SUGCT: variants seen among roughly 807,000 people sequenced by gnomAD.
SUGCT encodes succinyl-CoA:glutarate CoA-transferase.
A neutral mutation model predicts 55.0 loss-of-function variants in SUGCT; 41 were observed. The observed-to-expected ratio is 0.74, with a 90% CI of 0.58 to 0.97. SUGCT has a LOEUF of 0.97. Among genes scored for constraint, SUGCT ranks in the 50% least tolerant of loss-of-function variants. The probability of loss-of-function intolerance (pLI) is 0.00; values close to 1 mark genes in which losing one functional copy is unlikely to be tolerated. For missense variants in SUGCT, 568 were observed against 547.8 expected (o/e 1.04, Z -0.37); for synonymous variants, 187 against 200.4 (o/e 0.93, Z 0.56).
chr7:40,368,153 A>G (rs1784107290), intron 9 of SUGCT, among the ~76,000 whole-genome samples: 1 of 152,082 alleles, frequency 6.6e-6, no homozygotes, highest in Non-Finnish European at 1.5e-5. Flanking sequence ...CGTAAGTCAG[A>G]TCTCACATTA....
At chr7:40,645,917 GTTCC>G (rs1409587945) in intron 12 of SUGCT, among the ~76,000 whole-genome samples, 1 of 152,148 alleles carries the variant, frequency 6.6e-6, no homozygotes, top group Non-Finnish European at 1.5e-5. Context: ...CCATGTCTCA[GTTCC>G]AGACATGGAT....
intron 9 of SUGCT, among the ~76,000 whole-genome samples, chr7:40,336,471 T>C (rs1399274544): frequency 1.3e-5 from 2 of 152,192 alleles, no homozygotes; most frequent in Non-Finnish European, 2.9e-5. Context: ...CCTGGTTTAG[T>C]CTTGGGAGGG....
At chr7:40,816,380 AATCCTTTCCC>A (rs1791670721) in intron 13 of SUGCT, among the ~76,000 whole-genome samples, 3 of 152,134 alleles carry the variant, frequency 2.0e-5, no homozygotes, top group African/African-American at 7.2e-5. Flanking sequence ...CAACATCTTC[AATCCTTTCCC>A]CAAGTTAGCA....
chr7:40,467,987 TA>T (rs1319490900), intron 11 of SUGCT, among the ~76,000 whole-genome samples: 15 of 150,170 alleles, frequency 1.0e-4, no homozygotes, highest in Admixed American at 6.6e-4. Context: ...TTTTTTTAAC[TA>T]AAAGAGTACC....
intron 9 of SUGCT, among the ~76,000 whole-genome samples, chr7:40,386,218 C>T (rs969725689): frequency 6.6e-6 from 1 of 152,214 alleles, no homozygotes; most frequent in African/African-American, 2.4e-5. Context: ...TTCAGAAAGC[C>T]CCTGACACTC....
chr7:41,021,563 A>G, the SUGCT span, among the ~76,000 whole-genome samples: 1 of 152,208 alleles, frequency 6.6e-6, no homozygotes, highest in South Asian at 2.1e-4. Flanking sequence ...AACATGGGAA[A>G]TAACAAGTAA....
intron 5 of SUGCT, among the ~76,000 whole-genome samples, chr7:40,191,168 CA>C (rs1562565268): frequency 6.6e-6 from 1 of 152,148 alleles, no homozygotes; most frequent in Non-Finnish European, 1.5e-5. Context: ...AGGTATGTGC[CA>C]CCATGCCCGG....
At chr7:40,276,386 G>C (rs192472220) in intron 8 of SUGCT, among the ~76,000 whole-genome samples, 52 of 152,292 alleles carry the variant, frequency 3.4e-4, no homozygotes, top group African/African-American at 1.2e-3. Context: ...TTTCATGGGT[G>C]TGTAATCTGT....
At position 40,427,801 on chromosome 7, in the gene SUGCT, G is replaced by A. The variant is rs143287961; in HGVS notation, c.817-21486G>A. On this transcript the variant is annotated intron_variant, in intron 9 of 13. Coordinates refer to ENST00000335693, the MANE Select transcript of SUGCT (RefSeq NM_001193313.2). The stretch of plus-strand genomic sequence containing the variant: ...GAAGGGAGAGTCAAAGAAGGAAGAT[G>A]GGGAGTGATATGGTTTGGATATTTT... Among the ~76,000 whole-genome samples, 174 of 152,218 alleles carry A rather than the reference G, an allele frequency of 1.1e-3. 1 individual carries two copies. The highest frequency in any genetic ancestry group is 4.1e-3 in the African/African-American group (170 of 41,534).
At chr7:40,396,975 G>A (rs1392346832) in intron 9 of SUGCT, among the ~76,000 whole-genome samples, 1 of 152,034 alleles carries the variant, frequency 6.6e-6, no homozygotes, top group Non-Finnish European at 1.5e-5. Context: ...TGATTTTATA[G>A]AAAATGTAAA....
intron 9 of SUGCT, among the ~76,000 whole-genome samples, chr7:40,353,464 A>G (rs1266120213): frequency 1.3e-5 from 2 of 152,186 alleles, no homozygotes; most frequent in African/African-American, 4.8e-5. Context: ...AAAATATGCA[A>G]ACAAACAAAA....
At chr7:40,184,153 C>G (rs1331056336) in intron 3 of SUGCT, among the ~76,000 whole-genome samples, 1 of 152,154 alleles carries the variant, frequency 6.6e-6, no homozygotes, top group Non-Finnish European at 1.5e-5. Context: ...CCAGCCTGGG[C>G]AACAAGAGCC....
rs367965452 is a variant in SUGCT, at chr7:40,311,297, T to C, written c.721-5463T>C. Among the ~76,000 whole-genome samples the C allele has an allele frequency of 4.1e-4, 62 of 152,348 alleles. 2 individuals are homozygous for C. The South Asian group carries it at 0.012, about 31-fold the overall frequency. Reference sequence around the variant, plus strand: ...GAGCTATCTATCATCAAATTATGCCTGGACCTTTACAATATCCCTAACAGT... The same window carrying C: ...GAGCTATCTATCATCAAATTATGCCCGGACCTTTACAATATCCCTAACAGT... On this transcript the variant is annotated intron_variant, in intron 8 of 13. Coordinates refer to ENST00000335693, the MANE Select transcript of SUGCT (RefSeq NM_001193313.2).
chr7:40,534,650 C>A (rs1281277358), intron 12 of SUGCT, among the ~76,000 whole-genome samples: 1 of 152,192 alleles, frequency 6.6e-6, no homozygotes, highest in Non-Finnish European at 1.5e-5. Context: ...AACTCCTGAC[C>A]TTAGGTGATC....
At chr7:40,287,065 C>A (rs942684498) in intron 8 of SUGCT, among the ~76,000 whole-genome samples, 2 of 152,214 alleles carry the variant, frequency 1.3e-5, no homozygotes, top group African/African-American at 4.8e-5. Context: ...TGAGGTGCAA[C>A]ACTGGGAGGG....
At chr7:40,895,094 A>C in the SUGCT span, among the ~76,000 whole-genome samples, 1 of 152,198 alleles carries the variant, frequency 6.6e-6, no homozygotes. Context: ...GATGAAGAAA[A>C]TGTACATATT....
rs116742035 is a variant in SUGCT at position 40,841,710 on chromosome 7, A to G, written c.1154-18606A>G. Among the ~76,000 whole-genome samples, 335 of 152,298 alleles carry G rather than the reference A, an allele frequency of 2.2e-3. 3 individuals are homozygous for G. Among genetic ancestry groups the G allele is most frequent in the African/African-American group, 7.5e-3 (313 of 41,568 alleles). On this transcript the variant is annotated intron_variant, in intron 13 of 13. Coordinates refer to ENST00000335693, the MANE Select transcript of SUGCT (RefSeq NM_001193313.2). ...GCTGGATTGTGATTCAGGCAAAATT[A>G]ATGAAGTTTCAATGTGGAAAGAAAT...
rs530972925 is a variant in SUGCT, at chr7:40,280,183, C to T, written c.720+5527C>T. Among the ~76,000 whole-genome samples, 137 of 152,266 alleles carry T rather than the reference C, an allele frequency of 9.0e-4. 1 individual carries two copies. Among genetic ancestry groups the T allele is most frequent in the South Asian group, 7.5e-3 (36 of 4,820 alleles). Reference sequence around the variant, plus strand: ...CAAGTAGTTCCTTGTAGAGACATGACAATTGCCAGGATGTGGTTTGTAGTG... The same window carrying T: ...CAAGTAGTTCCTTGTAGAGACATGATAATTGCCAGGATGTGGTTTGTAGTG... On this transcript the variant is annotated intron_variant, in intron 8 of 13. Transcript: ENST00000335693.
At position 40,218,667 on chromosome 7, in the gene SUGCT, A is replaced by G. The variant is rs937004977; in HGVS notation, c.485-18968A>G. Among the ~76,000 whole-genome samples, 3 of 152,314 alleles carry G rather than the reference A, an allele frequency of 2.0e-5. No homozygotes were observed. In the South Asian group the frequency reaches 6.2e-4, roughly 32 times the overall value. On this transcript the variant is annotated intron_variant, in intron 6 of 13. Coordinates refer to ENST00000335693, the MANE Select transcript of SUGCT (RefSeq NM_001193313.2). ...ACCTGAATAACTTTTCTGTCTAGCT[A>G]GAGGATTGTAAACACACCAATCAGC...
Sources: allele counts gnomAD v4.1 joint callset (sites outside exome capture counted in the v4.1 genomes callset), GRCh38; gene constraint gnomAD v4.1.1; transcripts MANE v1.5; gene names NCBI Gene and HGNC (gene_info 2026-07-23, HGNC 2026-07-21).